Variants in C3orf20 observed in about 807,000 individuals in gnomAD.
The protein encoded by C3orf20 is uncharacterized protein C3orf20.
Under a neutral mutation model 88.3 loss-of-function variants are expected in C3orf20, and 76 were observed. The observed-to-expected ratio is 0.86, with a 90% confidence interval of 0.72 to 1.04. The LOEUF (loss-of-function observed/expected upper bound fraction) is 1.04. C3orf20 is among the 50% of genes least tolerant of loss of function. C3orf20 has a pLI of 0.00. For synonymous variants in C3orf20, 436 were observed against 437.4 expected, an observed-to-expected ratio of 1.00 and a Z score of 0.04; for missense variants, 1,056 against 1,123.3, an observed-to-expected ratio of 0.94 and a Z score of 0.86.
chr3:14,709,141 A>G (rs1017313795), intron 7 of C3orf20, among the ~76,000 whole-genome samples: 4 of 152,204 alleles, frequency 2.6e-5, no homozygotes, highest in African/African-American at 9.6e-5. Context: ...GCCAAATTAA[A>G]TTAAAGAAGA....
intron 7 of C3orf20, among the ~76,000 whole-genome samples, chr3:14,712,162 ACG>A (rs1351864282): frequency 2.2e-4 from 23 of 106,670 alleles, no homozygotes; most frequent in African/African-American, 8.8e-4. Flanking sequence ...AGACACACAC[ACG>A]CACACACACG....
chr3:14,684,426 T>G, intron 4 of C3orf20, 44 bp downstream of exon 4: 1 of 1,593,902 alleles, frequency 6.3e-7, no homozygotes, highest in Non-Finnish European at 8.6e-7. Context: ...GTGCAAACAA[T>G]ATCAGCAGGA....
intron 7 of C3orf20, among the ~76,000 whole-genome samples, chr3:14,711,345 A>T (rs1171339197): frequency 6.6e-6 from 1 of 152,160 alleles, no homozygotes; most frequent in Non-Finnish European, 1.5e-5. Flanking sequence ...AGGCTCTGTT[A>T]TTAGGTGTGT....
chr3:14,684,983 A>G (rs942096749), intron 4 of C3orf20, among the ~76,000 whole-genome samples: 1 of 152,250 alleles, frequency 6.6e-6, no homozygotes, highest in African/African-American at 2.4e-5. Flanking sequence ...CAGGAGTTCA[A>G]GACCAGCTTG....
Position 14,757,685 on chromosome 3 carries a change from G to A in C3orf20, c.2244+11G>A. ...TCCCCCTGCATCCAGGTTGGTCTGG[G>A]CCCAGTGAGGAGGCCCTGGAGGCCA... On this transcript the variant is annotated intron_variant, in intron 13 of 16. Transcript: ENST00000253697. 5.0e-6 allele frequency: 8 copies of A among 1,604,106 alleles called. No individual in the cohort carries two copies. The highest frequency in any genetic ancestry group is 6.8e-6 in the Non-Finnish European group (8 of 1,173,682).
At chr3:14,732,410 T>G (rs911650142) in intron 12 of C3orf20, among the ~76,000 whole-genome samples, 2 of 152,274 alleles carry the variant, frequency 1.3e-5, no homozygotes, top group African/African-American at 4.8e-5. Flanking sequence ...TTGAAATATT[T>G]TCTTCAGCCT....
At chr3:14,728,315 A>G in intron 11 of C3orf20, 124 bp from the exon 12 acceptor site, 1 of 1,142,600 alleles carries the variant, frequency 8.8e-7, no homozygotes, top group Non-Finnish European at 1.3e-6. Context: ...CCGGAGAATC[A>G]ATGAGAGCGG....
rs367737449 is a variant in C3orf20 at position 14,728,665 on chromosome 3, C to T, written c.1917C>T (p.His639=). 1.1e-5 allele frequency: 17 copies of T among 1,613,716 alleles called. No homozygotes were observed. In the African/African-American group the frequency reaches 1.7e-4, roughly 16 times the overall value. Residue 639 remains histidine, a synonymous_variant, in exon 12 of 17, where the codon CAC becomes CAT. Coordinates refer to ENST00000253697, the MANE Select transcript of C3orf20 (RefSeq NM_032137.5). The stretch of plus-strand genomic sequence containing the variant: ...CAGTTCGGAAGACCACCAAAATCCA[C>T]ACCAAAGCCAAGGTCACATCCAGGT... The part of the protein sequence containing the change: ...VSPVRKTTKI[H]TKAKVTSRGK...
Position 14,761,552 on chromosome 3 carries a change from A to C in C3orf20, c.2432A>C (p.Gln811Pro). ...YGLSKQNLLK[Q>P]IFRSQQDYKM... ...CTCAGCAAGCAGAATCTGCTGAAAC[A>C]GATCTTCCGGTCTCAACAGGATTAC... The change falls in exon 15 of 17, where the codon CAG becomes CCG. Residue 811 changes from glutamine to proline, a missense_variant. Physicochemically the swap from Gln to Pro is moderately conservative, Grantham distance 76. Transcript: ENST00000253697. 6.2e-7 allele frequency: 1 copy of C among 1,614,050 alleles called. No individual in the cohort carries two copies. The highest frequency in any genetic ancestry group is 8.5e-7 in the Non-Finnish European group (1 of 1,179,970).
intron 12 of C3orf20, among the ~76,000 whole-genome samples, chr3:14,746,797 A>G (rs2035070092): frequency 6.6e-6 from 1 of 152,228 alleles, no homozygotes; most frequent in Non-Finnish European, 1.5e-5. Context: ...GCATTAAGCA[A>G]TCATCTCAAA....
intron 8 of C3orf20, among the ~76,000 whole-genome samples, chr3:14,714,898 T>C (rs770075875): frequency 6.6e-6 from 1 of 152,238 alleles, no homozygotes; most frequent in Non-Finnish European, 1.5e-5. Flanking sequence ...TAAGCCACCA[T>C]GTCTGGATTT....
intron 5 of C3orf20, among the ~76,000 whole-genome samples, chr3:14,694,484 C>T (rs1353533973): frequency 5.9e-5 from 9 of 152,078 alleles, no homozygotes; most frequent in Non-Finnish European, 1.3e-4. Context: ...TATAGTTGCT[C>T]ATAATAGGGA....
intron 12 of C3orf20, among the ~76,000 whole-genome samples, chr3:14,748,543 G>GATT (rs2035125423): frequency 6.6e-6 from 1 of 152,050 alleles, no homozygotes; most frequent in African/African-American, 2.4e-5. Context: ...GGTTAGGTTA[G>GATT]ATTATTGGTT....
intron 6 of C3orf20, 93 bp from the exon 7 acceptor site, chr3:14,704,243 TA>T (rs1342818932): frequency 7.7e-7 from 1 of 1,294,176 alleles, no homozygotes; most frequent in Admixed American, 1.9e-5. Context: ...GGGAATGGGA[TA>T]GGGGTCTTGG....
intron 12 of C3orf20, among the ~76,000 whole-genome samples, chr3:14,745,506 A>G (rs988226954): frequency 1.3e-5 from 2 of 152,220 alleles, no homozygotes; most frequent in African/African-American, 4.8e-5. Context: ...TCTTCTTGCT[A>G]TATAATACCC....
chr3:14,708,251 C>A (rs1329492299), intron 7 of C3orf20, among the ~76,000 whole-genome samples: 2 of 152,170 alleles, frequency 1.3e-5, no homozygotes, highest in African/African-American at 2.4e-5. Flanking sequence ...AGCTAATTGT[C>A]CCAGTACCAT....
chr3:14,703,810 T>C (rs1369459766), intron 6 of C3orf20, among the ~76,000 whole-genome samples: 2 of 152,238 alleles, frequency 1.3e-5, no homozygotes, highest in African/African-American at 4.8e-5. Context: ...TTTTTATCAT[T>C]CTGTGGGGCC....
chr3:14,680,660 CA>C (rs1446997727), intron 1 of C3orf20, among the ~76,000 whole-genome samples: 2 of 152,130 alleles, frequency 1.3e-5, no homozygotes, highest in East Asian at 3.8e-4. Context: ...TAAAGCTGTT[CA>C]AAAATTCAGT....
At chr3:14,758,723 C>T (rs1324600137) in intron 13 of C3orf20, among the ~76,000 whole-genome samples, 1 of 152,218 alleles carries the variant, frequency 6.6e-6, no homozygotes, top group African/African-American at 2.4e-5. Context: ...CCCTCCCTGA[C>T]TCTGGCACGT....
Sources: gnomAD v4.1 joint callset for allele counts (sites outside exome capture counted in the v4.1 genomes callset) on GRCh38, gnomAD v4.1.1 for gene constraint, MANE v1.5 for transcripts, NCBI Gene and HGNC (gene_info 2026-07-23, HGNC 2026-07-21) for gene names.